The following SERINC3 variants were observed in gnomAD, a reference collection of about 807,000 sequenced individuals.
SERINC3 encodes the protein tumor differentially expressed protein 1.
Under a neutral mutation model 52.1 loss-of-function variants are expected in SERINC3, and 22 were observed. That is an observed-to-expected ratio of 0.42 (90% CI 0.30 to 0.60). The LOEUF is 0.60. SERINC3 is among the 20% of genes least tolerant of loss of function. The pLI, the probability that SERINC3 is intolerant of heterozygous loss-of-function variation, is 0.16. For synonymous variants in SERINC3, 226 were observed against 212.7 expected, an observed-to-expected ratio of 1.06 and a Z score of -0.54; for missense variants, 564 against 584.6, an observed-to-expected ratio of 0.96 and a Z score of 0.36.
In SERINC3 at chr20:44,500,344, G is replaced by C. The variant is rs752716502; in HGVS notation, c.1374C>G (p.Val458=). The change falls in exon 10 of 10, where the codon GTC becomes GTG. Residue 458 remains valine (V), a synonymous_variant. Coordinates refer to ENST00000342374, the MANE Select transcript of SERINC3 (RefSeq NM_006811.4). ...SSSWVCLLLY[V]WTLVAPLVLT... ...GGACAAGTGGAGCCACAAGGGTCCA[G>C]ACGTAAAGCAGGAGGCAGACCCAGC... 1 of 1,610,282 alleles carries C rather than the reference G, an allele frequency of 6.2e-7. No homozygotes were observed. Among genetic ancestry groups the C allele is most frequent in the Non-Finnish European group, 8.5e-7 (1 of 1,178,446 alleles).
chr20:44,510,156 G>T, intron 4 of SERINC3, 128 bp from the exon 5 acceptor site: 4 of 837,834 alleles, frequency 4.8e-6, no homozygotes, highest in Non-Finnish European at 7.5e-6. Flanking sequence ...CAGCAGTACA[G>T]CAAGATTCCA....
At chr20:44,503,088 C>T (rs376650194) in intron 8 of SERINC3, among the ~76,000 whole-genome samples, 4 of 152,036 alleles carry the variant, frequency 2.6e-5, no homozygotes, top group East Asian at 1.9e-4. Flanking sequence ...AAATTAAAGA[C>T]CTAAATAAAT....
At chr20:44,500,493 T>C in intron 9 of SERINC3, 59 bp from the exon 10 acceptor site, 2 of 1,544,024 alleles carry the variant, frequency 1.3e-6, no homozygotes, top group Non-Finnish European at 1.8e-6. Context: ...TCTATCAGCC[T>C]CCTGCAGCCC....
At chr20:44,497,287 C>A (rs79716455), downstream of SERINC3, 135 of 152,290 alleles carry the variant, frequency 8.9e-4, no homozygotes, top group African/African-American at 3.1e-3. Flanking sequence ...ATTCAGCATT[C>A]ACATGTATAA....
chr20:44,502,380 A>G (rs1238049258), intron 8 of SERINC3, among the ~76,000 whole-genome samples: 1 of 152,136 alleles, frequency 6.6e-6, no homozygotes, highest in African/African-American at 2.4e-5. Context: ...AGAGGACAGG[A>G]GCTCAAGACT....
intron 1 of SERINC3, among the ~76,000 whole-genome samples, chr20:44,520,940 G>A (rs1219633359): frequency 1.3e-5 from 2 of 152,160 alleles, no homozygotes; most frequent in Non-Finnish European, 2.9e-5. Flanking sequence ...CAGAAAGTGG[G>A]CACAGTCTTG....
chr20:44,513,829 A>G (rs762664105), intron 2 of SERINC3, 50 bp downstream of exon 2: 1 of 1,433,130 alleles, frequency 7.0e-7, no homozygotes, highest in Non-Finnish European at 9.3e-7. Context: ...AATTTTGCAG[A>G]ATATAAAAAT....
intron 5 of SERINC3, among the ~76,000 whole-genome samples, chr20:44,507,695 C>T (rs2064323277): frequency 6.6e-6 from 1 of 152,132 alleles, no homozygotes. Flanking sequence ...ATGGCCAAAC[C>T]CTGTCTCTAC....
rs1210964179 is a variant in SERINC3 at position 44,514,005 on chromosome 20, C to T, written c.75G>A (p.Leu25=). 6.2e-7 allele frequency: 1 copy of T among 1,613,950 alleles called. No homozygotes were observed. Among genetic ancestry groups the T allele is most frequent in the Non-Finnish European group, 8.5e-7 (1 of 1,179,972 alleles). ...TCTTACTGTTAGGACAGCAACTACACAGCAAACATGAGGCACCGCTGCAGA... is the reference window on the plus strand; with the variant it reads ...TCTTACTGTTAGGACAGCAACTACATAGCAAACATGAGGCACCGCTGCAGA... ...PCLCSGASCL[L]CSCCPNSKNS... Residue 25 remains leucine (L), a synonymous_variant, in exon 2 of 10, where the codon CTG becomes CTA. Coordinates refer to ENST00000342374, the MANE Select transcript of SERINC3 (RefSeq NM_006811.4).
At chr20:44,505,176 C>T (rs972564053) in intron 6 of SERINC3, among the ~76,000 whole-genome samples, 4 of 152,206 alleles carry the variant, frequency 2.6e-5, no homozygotes, top group African/African-American at 9.7e-5. Context: ...GTGAAAAGAT[C>T]TAAGATCAGC....
Position 44,503,904 on chromosome 20 carries a change from G to A in SERINC3, c.966C>T (p.Thr322=), listed in dbSNP as rs371356635. 95 of 1,604,880 alleles carry A rather than the reference G, an allele frequency of 5.9e-5. No individual in the cohort carries two copies. The African/African-American group carries it at 1.1e-3, about 19-fold the overall frequency. ...APGNSTAVVP[T]PTPPSKSGSL... is the part of the protein sequence containing the mutation. ...ACCCACTCTTTGATGGTGGAGTAGGGGTAGGGACCACAGCAGTTGAATTTC... is the reference window on the plus strand; with the variant it reads ...ACCCACTCTTTGATGGTGGAGTAGGAGTAGGGACCACAGCAGTTGAATTTC... The change falls in exon 8 of 10, where the codon ACC becomes ACT. Residue 322 remains threonine (T), a synonymous_variant. Coordinates refer to ENST00000342374, the MANE Select transcript of SERINC3 (RefSeq NM_006811.4).
At chr20:44,500,544 G>A in intron 9 of SERINC3, 110 bp from the exon 10 acceptor site, 2 of 1,240,648 alleles carry the variant, frequency 1.6e-6, no homozygotes, top group Admixed American at 2.0e-5. Context: ...AACTTGGCTG[G>A]CACTACCCCC....
chr20:44,519,811 G>A (rs757989490), intron 1 of SERINC3, among the ~76,000 whole-genome samples: 6 of 151,964 alleles, frequency 3.9e-5, no homozygotes, highest in Non-Finnish European at 7.4e-5. Flanking sequence ...AAGAAAAATA[G>A]TAGAAAGAGC....
rs1254519675 is a variant in SERINC3 at position 44,521,930 on chromosome 20, A to T, written c.22T>A (p.Phe8Ile). ...GAACTCACCCAGCTGGCGAGGGAGA[A>T]GACACCCAGCACAGCCCCCATGGTG... Reference protein sequence around the residue: MGAVLGVFSLASWVPCLC... With the variant: MGAVLGVISLASWVPCLC... Residue 8 changes from phenylalanine to isoleucine, a missense_variant, in exon 1 of 10, where the codon TTC (phenylalanine) becomes ATC (isoleucine). Transcript: ENST00000342374. The T allele has an allele frequency of 1.9e-6, 3 of 1,611,634 alleles. No homozygotes were observed. In the Admixed American group the frequency reaches 5.0e-5, roughly 27 times the overall value.
chr20:44,501,201 T>A lies in SERINC3; in HGVS notation c.1155A>T (p.Glu385Asp), dbSNP rs1348687182. Residue 385 changes from glutamate to aspartate, a missense_variant, in exon 9 of 10, where the codon GAA (glutamate) becomes GAT (aspartate). Physicochemically the swap from Glu to Asp is conservative, Grantham distance 45 (BLOSUM62 2). Coordinates refer to ENST00000342374, the MANE Select transcript of SERINC3 (RefSeq NM_006811.4). Reference protein sequence around the residue: ...GDTTTSGASDEEDGQPRRAVD... With the variant: ...GDTTTSGASDDEDGQPRRAVD... ...CAGCCCGCCGAGGCTGTCCATCTTC[T>A]TCATCACTGGCACCACTGGTAGTTG... 3 of 1,614,146 alleles carry A rather than the reference T, an allele frequency of 1.9e-6. No individual in the cohort carries two copies. Among genetic ancestry groups the A allele is most frequent in the Non-Finnish European group, 2.5e-6 (3 of 1,180,006 alleles).
chr20:44,504,759 C>A, intron 7 of SERINC3, 42 bp downstream of exon 7: 1 of 1,504,090 alleles, frequency 6.6e-7, no homozygotes. Context: ...TGATTTCCTA[C>A]TTTCTTTTTA....
chr20:44,517,726 C>T (rs553731663), intron 1 of SERINC3, among the ~76,000 whole-genome samples: 5 of 152,304 alleles, frequency 3.3e-5, no homozygotes, highest in South Asian at 2.1e-4. Context: ...TTAAGCCACT[C>T]GGTCTGTGGT....
rs1475936657 is a variant in SERINC3 at position 44,501,255 on chromosome 20, T to A, written c.1101A>T (p.Ser367=). The change falls in exon 9 of 10, where the codon TCA becomes TCT. Residue 367 remains serine, a synonymous_variant. Coordinates refer to ENST00000342374, the MANE Select transcript of SERINC3 (RefSeq NM_006811.4). ...TNSQVDKLTL[S]GSDSVILGDT... ...CACCAAGGATGACGCTGTCACTCCC[T>A]GACAGGGTCAGCTTGTCTACTTGGC... 1.2e-6 allele frequency: 2 copies of A among 1,614,054 alleles called. No individual in the cohort carries two copies. The highest frequency in any genetic ancestry group is 2.7e-5 in the African/African-American group (2 of 74,928).
At position 44,501,122 on chromosome 20, in the gene SERINC3, G is replaced by A; in HGVS notation, c.1234C>T (p.Leu412Phe). ...ATGATGTACAAGGAAGCCAAGCAGA[G>A]CATGAGGTGGAATAAGGAGTAGCTA... ...QYSYSLFHLMLCLASLYIMMT... is the reference protein window; with the variant it reads ...QYSYSLFHLMFCLASLYIMMT... The change falls in exon 9 of 10, where the codon CTC (leucine) becomes TTC (phenylalanine). Residue 412 changes from leucine (L) to phenylalanine (F), a missense_variant. Transcript: ENST00000342374. 2 of 1,614,094 alleles carry A rather than the reference G, an allele frequency of 1.2e-6. No homozygotes were observed. Among genetic ancestry groups the A allele is most frequent in the Non-Finnish European group, 1.7e-6 (2 of 1,180,012 alleles).
Sources: gnomAD v4.1 joint callset for allele counts (sites outside exome capture counted in the v4.1 genomes callset) on GRCh38, gnomAD v4.1.1 for gene constraint, MANE v1.5 for transcripts, NCBI Gene and HGNC (gene_info 2026-07-23, HGNC 2026-07-21) for gene names.